The following PCDH12 variants were observed in gnomAD, a reference collection of about 807,000 sequenced individuals.
The protein encoded by PCDH12 is protocadherin 12.
A neutral mutation model predicts 70.9 loss-of-function variants in PCDH12; 45 were observed. The ratio of observed to expected loss-of-function variants is 0.63; its 90% CI spans 0.50 to 0.81. The LOEUF (loss-of-function observed/expected upper bound fraction) is 0.81. Ranked by LOEUF, PCDH12 falls within the 40% of genes least tolerant of loss-of-function variation. PCDH12 has a pLI of 0.00. For missense variants in PCDH12, 1,370 were observed against 1,491.7 expected, an observed-to-expected ratio of 0.92 and a Z score of 1.34; for synonymous variants, 567 against 626.0, an observed-to-expected ratio of 0.91 and a Z score of 1.41.
rs148884293 is a variant in PCDH12 at position 141,956,898 on chromosome 5, G to A, written c.954C>T (p.Tyr318=). The stretch of plus-strand genomic sequence containing the variant: ...GGTCCCTTGCCTGAACATCCACCTC[G>A]TAGGCAGGGTTCTTTTCATAGTCTA... ...RPLDYEKNPA[Y]EVDVQARDLG... is the part of the protein sequence containing the mutation. Residue 318 remains tyrosine, a synonymous_variant, in exon 1 of 4, where the codon TAC becomes TAT. Transcript: ENST00000231484. 40 of 1,614,166 alleles carry A rather than the reference G, an allele frequency of 2.5e-5. No individual in the cohort carries two copies. Among genetic ancestry groups the A allele is most frequent in the Admixed American group, 3.3e-5 (2 of 60,024 alleles).
rs373022057 is a variant in PCDH12, at chr5:141,955,112, G to T, written c.2740C>A (p.Arg914=). 1 of 1,614,242 alleles carries T rather than the reference G, an allele frequency of 6.2e-7. No homozygotes were observed. Among genetic ancestry groups the T allele is most frequent in the East Asian group, 2.2e-5 (1 of 44,884 alleles). Residue 914 remains arginine (R), a synonymous_variant, in exon 1 of 4, where the codon CGA becomes AGA. Coordinates refer to ENST00000231484, the MANE Select transcript of PCDH12 (RefSeq NM_016580.4). This position sits in a 1 kb window ranked among gnomAD's most constrained non-coding sequence, Gnocchi z 5.5. ...PASSATLRRQ[R]HLNGKVSPEK... The stretch of plus-strand genomic sequence containing the variant: ...GGGGACACTTTGCCATTGAGATGTC[G>T]CTGCCGTCTCAGGGTTGCAGAGGAG...
Position 141,956,919 on chromosome 5 carries a change from G to A in PCDH12, c.933C>T (p.Asp311=). The A allele has an allele frequency of 6.2e-7, 1 of 1,614,158 alleles. No individual in the cohort carries two copies. ...CCTCGTAGGCAGGGTTCTTTTCATA[G>A]TCTAGAGGTCGACGCAGAATGACCT... The part of the protein sequence containing the change: ...TGQVILRRPL[D]YEKNPAYEVD... Residue 311 remains aspartate, a synonymous_variant, in exon 1 of 4, where the codon GAC becomes GAT. Transcript: ENST00000231484.
chr5:141,953,614 C>A (rs1403665398), intron 1 of PCDH12, among the ~76,000 whole-genome samples: 1 of 152,236 alleles, frequency 6.6e-6, no homozygotes, highest in Non-Finnish European at 1.5e-5. Context: ...TCTGTCACCT[C>A]AGCGGGGTCA....
At position 141,957,998 on chromosome 5, in the gene PCDH12, T is replaced by G. The variant is rs910227695; in HGVS notation, c.-147A>C. The G allele has an allele frequency of 2.2e-6, 2 of 916,454 alleles. No individual in the cohort carries two copies. Among genetic ancestry groups the G allele is most frequent in the East Asian group, 5.2e-5 (2 of 38,276 alleles). The allele number at this position is 916,454 out of a possible 1,614,324, so 56.8% of individuals were successfully genotyped here. A position where few individuals can be genotyped will look rare whatever the true frequency, so the allele number is the denominator to read the frequency against. On this transcript the variant is annotated 5_prime_UTR_variant, in exon 1 of 4. Transcript: ENST00000231484. This position sits in a 1 kb window ranked among gnomAD's most constrained non-coding sequence, Gnocchi z 4.3. Reference sequence around the variant, plus strand: ...CAACCTTGTCCCATAGTTAGATGATTATGAAACAAGCAGGACCCCAAGGCA... The same window carrying G: ...CAACCTTGTCCCATAGTTAGATGATGATGAAACAAGCAGGACCCCAAGGCA...
chr5:141,945,604 G>C lies in PCDH12; in HGVS notation c.3332C>G (p.Ser1111Trp). 1 of 1,614,216 alleles carries C rather than the reference G, an allele frequency of 6.2e-7. No homozygotes were observed. The highest frequency in any genetic ancestry group is 8.5e-7 in the Non-Finnish European group (1 of 1,180,048). Residue 1111 changes from serine (S) to tryptophan (W), a missense_variant, in exon 4 of 4, where the codon TCG becomes TGG. Ser to Trp is a radical substitution (Grantham distance 177). Coordinates refer to ENST00000231484, the MANE Select transcript of PCDH12 (RefSeq NM_016580.4). The part of the protein sequence containing the change: ...TGTRLASTFV[S>W]EMSSLLEMLL... Reference sequence around the variant, plus strand: ...CATCTCCAGCAGTGAGCTCATCTCCGAGACAAAGGTGCTGGCCAGCCTCGT... The same window carrying C: ...CATCTCCAGCAGTGAGCTCATCTCCCAGACAAAGGTGCTGGCCAGCCTCGT...
Position 141,956,894 on chromosome 5 carries a change from C to T in PCDH12, c.958G>A (p.Val320Met), listed in dbSNP as rs1204079352. 6.2e-7 allele frequency: 1 copy of T among 1,614,220 alleles called. No homozygotes were observed. Among genetic ancestry groups the T allele is most frequent in the Non-Finnish European group, 8.5e-7 (1 of 1,180,040 alleles). ...CCCAGGTCCCTTGCCTGAACATCCA[C>T]CTCGTAGGCAGGGTTCTTTTCATAG... Reference protein sequence around the residue: ...LDYEKNPAYEVDVQARDLGPN... With the variant: ...LDYEKNPAYEMDVQARDLGPN... The change falls in exon 1 of 4, where the codon GTG becomes ATG. Residue 320 changes from valine (V) to methionine (M), a missense_variant. By Grantham distance (21) the Val-to-Met change is conservative. Coordinates refer to ENST00000231484, the MANE Select transcript of PCDH12 (RefSeq NM_016580.4).
Position 141,957,371 on chromosome 5 carries a change from C to T in PCDH12, c.481G>A (p.Asp161Asn). ...AGGGTGTTAGGGCCTGTGTCTGGGT[C>T]AAGAGCTCTGTCCAGGGGGATCCGG... Reference protein sequence around the residue: ...RTRIPLDRALDPDTGPNTLHT... With the variant: ...RTRIPLDRALNPDTGPNTLHT... The change falls in exon 1 of 4, where the codon GAC (aspartate) becomes AAC (asparagine). Residue 161 changes from aspartate to asparagine, a missense_variant. Transcript: ENST00000231484. The surrounding 1 kb of genome is among the most constrained non-coding windows in gnomAD (Gnocchi z 4.3). 6.2e-7 allele frequency: 1 copy of T among 1,613,808 alleles called. No homozygotes were observed. Among genetic ancestry groups the T allele is most frequent in the Non-Finnish European group, 8.5e-7 (1 of 1,179,864 alleles).
intron 3 of PCDH12, 155 bp downstream of exon 3, chr5:141,949,277 T>A (rs1026745372): frequency 5.1e-6 from 5 of 980,106 alleles, no homozygotes; most frequent in East Asian, 2.3e-4. Context: ...TTAAAATACT[T>A]TCTGAGGCTG....
In PCDH12 at chr5:141,956,792, C is replaced by A; in HGVS notation, c.1060G>T (p.Val354Phe). The A allele has an allele frequency of 1.9e-6, 3 of 1,614,192 alleles. No homozygotes were observed. Among genetic ancestry groups the A allele is most frequent in the Non-Finnish European group, 1.7e-6 (2 of 1,180,038 alleles). Residue 354 changes from valine to phenylalanine, a missense_variant, in exon 1 of 4, where the codon GTC becomes TTC. Val to Phe is a conservative substitution (Grantham distance 50). Transcript: ENST00000231484. Reference protein sequence around the residue: ...DVNDNIPSIHVTWASQPSLVS... With the variant: ...DVNDNIPSIHFTWASQPSLVS... ...AGTGATGGCTGGGAGGCCCATGTGA[C>A]GTGGATGCTTGGGATGTTGTCATTG...
Position 141,949,517 on chromosome 5 carries a change from C to T in PCDH12, c.3045G>A (p.Glu1015=). The T allele has an allele frequency of 6.2e-7, 1 of 1,614,210 alleles. No homozygotes were observed. Among genetic ancestry groups the T allele is most frequent in the Non-Finnish European group, 8.5e-7 (1 of 1,180,034 alleles). The change falls in exon 3 of 4, where the codon GAG becomes GAA. Residue 1015 remains glutamate, a synonymous_variant. Coordinates refer to ENST00000231484, the MANE Select transcript of PCDH12 (RefSeq NM_016580.4). ...RAGGQTDPEQ[E]EGPLDPEEDL... is the part of the protein sequence containing the mutation. The stretch of plus-strand genomic sequence containing the variant: ...CCTCTTCAGGATCCAAAGGCCCTTC[C>T]TCCTGTTCTGGGTCTGTCTGGCCTC...
rs1274384491 is a variant in PCDH12 at position 141,955,568 on chromosome 5, G to A, written c.2284C>T (p.Gln762Ter). 2 of 1,614,202 alleles carry A rather than the reference G, an allele frequency of 1.2e-6. No individual in the cohort carries two copies. Among genetic ancestry groups the A allele is most frequent in the Non-Finnish European group, 1.7e-6 (2 of 1,180,032 alleles). Residue 762 changes from glutamine to a stop codon, truncating the protein, a stop_gained, in exon 1 of 4, where the codon CAG (glutamine) becomes TAG (stop). Transcript: ENST00000231484. LOFTEE classifies it high-confidence loss of function. The surrounding 1 kb of genome is among the most constrained non-coding windows in gnomAD (Gnocchi z 5.5). Reference protein sequence around the residue: ...CREAESTYRQQPKRPQKHIQK... With the variant: ...CREAESTYRQ ...ATGTGTTTCTGGGGCCTCTTGGGCT[G>A]CTGGCGGTAGGTGGACTCGGCCTCC...
chr5:141,955,100 C>T lies in PCDH12; in HGVS notation c.2752G>A (p.Gly918Ser), dbSNP rs762262497. 1 of 1,614,216 alleles carries T rather than the reference C, an allele frequency of 6.2e-7. No individual in the cohort carries two copies. The highest frequency in any genetic ancestry group is 1.7e-5 in the Admixed American group (1 of 60,030). The stretch of plus-strand genomic sequence containing the variant: ...GATTCTTTCTCAGGGGACACTTTGC[C>T]ATTGAGATGTCGCTGCCGTCTCAGG... ...ATLRRQRHLNGKVSPEKESGP... is the reference protein window; with the variant it reads ...ATLRRQRHLNSKVSPEKESGP... Residue 918 changes from glycine (G) to serine (S), a missense_variant, in exon 1 of 4, where the codon GGC (glycine) becomes AGC (serine). Gly to Ser is a moderately conservative substitution (Grantham distance 56, BLOSUM62 0). Transcript: ENST00000231484. This position sits in a 1 kb window ranked among gnomAD's most constrained non-coding sequence, Gnocchi z 5.5.
rs1458073523 is a variant in PCDH12, at chr5:141,957,201, A to G, written c.651T>C (p.Tyr217=). ...CTGACTTGGGGGGGTTCCCATTGTC[A>G]TAGGCAGTTAACACCAGATCAAAAA... ...HSFFDLVLTA[Y]DNGNPPKSGT... The change falls in exon 1 of 4, where the codon TAT becomes TAC. Residue 217 remains tyrosine (Y), a synonymous_variant. Transcript: ENST00000231484. The surrounding 1 kb of genome is among the most constrained non-coding windows in gnomAD (Gnocchi z 4.3). The G allele has an allele frequency of 1.9e-6, 3 of 1,614,090 alleles. No individual in the cohort carries two copies. Among genetic ancestry groups the G allele is most frequent in the Admixed American group, 1.7e-5 (1 of 60,006 alleles).
At chr5:141,945,868 T>G (rs1596638675) in intron 3 of PCDH12, 63 bp from the exon 4 acceptor site, 2 of 1,489,810 alleles carry the variant, frequency 1.3e-6, no homozygotes, top group African/African-American at 1.4e-5. Context: ...CGGGTGAGGG[T>G]GGGGCAATGA....
In PCDH12 at chr5:141,945,016, C is replaced by G. The variant is rs1280605216; in HGVS notation, c.*365G>C. ...AGGTCAGAGAGCATTTCCTGGCACC[C>G]CCAGGGTACAGCCCCCTGACTCCTG... On this transcript the variant is annotated 3_prime_UTR_variant, in exon 4 of 4. Coordinates refer to ENST00000231484, the MANE Select transcript of PCDH12 (RefSeq NM_016580.4). 2 of 245,744 alleles carry G rather than the reference C, an allele frequency of 8.1e-6. No homozygotes were observed. Among genetic ancestry groups the G allele is most frequent in the East Asian group, 1.9e-4 (2 of 10,590 alleles). 15.2% of individuals were successfully genotyped at this position (245,744 alleles called of 1,614,324 possible). A position where few individuals can be genotyped will look rare whatever the true frequency, so the allele number is the denominator to read the frequency against.
rs750356729 is a variant in PCDH12, at chr5:141,957,826, A to AGCAGAAGTT, written c.17_25dup (p.Gln6_Leu8dup). On this transcript the variant is annotated inframe_insertion, in exon 1 of 4. Coordinates refer to ENST00000231484, the MANE Select transcript of PCDH12 (RefSeq NM_016580.4). This position sits in a 1 kb window ranked among gnomAD's most constrained non-coding sequence, Gnocchi z 4.3. ...GTAGCCACCTGGCCCCAAAAGCCCC[A>AGCAGAAGTT]GCAGAAGTTGCAGAAGTTGCATCAT... 2.6e-4 allele frequency: 409 copies of AGCAGAAGTT among 1,600,444 alleles called. No individual in the cohort carries two copies. Among genetic ancestry groups the AGCAGAAGTT allele is most frequent in the Non-Finnish European group, 3.2e-4 (372 of 1,179,372 alleles).
Position 141,955,995 on chromosome 5 carries a change from T to G in PCDH12, c.1857A>C (p.Thr619=), listed in dbSNP as rs1331498058. ...ATHSSRPFLL[T]TIVARDADSG... ...AGTCTGCATCTCTTGCCACAATGGT[T>G]GTCAAAAGGAATGGCCGGGAGCTGT... The change falls in exon 1 of 4, where the codon ACA becomes ACC. Residue 619 remains threonine (T), a synonymous_variant. Transcript: ENST00000231484. This position sits in a 1 kb window ranked among gnomAD's most constrained non-coding sequence, Gnocchi z 5.5. The G allele has an allele frequency of 6.2e-7, 1 of 1,614,092 alleles. No homozygotes were observed.
chr5:141,955,008 G>A lies in PCDH12; in HGVS notation c.2844C>T (p.Pro948=), dbSNP rs141083707. The change falls in exon 1 of 4, where the codon CCC becomes CCT. Residue 948 remains proline (P), a synonymous_variant. Coordinates refer to ENST00000231484, the MANE Select transcript of PCDH12 (RefSeq NM_016580.4). This position sits in a 1 kb window ranked among gnomAD's most constrained non-coding sequence, Gnocchi z 5.5. Reference sequence around the variant, plus strand: ...GAGAATCCACAGTGAGCTCCTCCACGGGGTTCCGCTCGGCGAAGGCAGCCA... The same window carrying A: ...GAGAATCCACAGTGAGCTCCTCCACAGGGTTCCGCTCGGCGAAGGCAGCCA... ...LSVAAFAERN[P]VEELTVDSPP... The A allele has an allele frequency of 1.0e-4, 163 of 1,614,054 alleles. No individual in the cohort carries two copies. In the African/African-American group the frequency reaches 1.6e-3, roughly 16 times the overall value.
rs1249076176 is a variant in PCDH12, at chr5:141,956,449, G to A, written c.1403C>T (p.Ser468Phe). The A allele has an allele frequency of 6.2e-7, 1 of 1,614,204 alleles. No individual in the cohort carries two copies. Among genetic ancestry groups the A allele is most frequent in the Non-Finnish European group, 8.5e-7 (1 of 1,180,040 alleles). The change falls in exon 1 of 4, where the codon TCC becomes TTC. Residue 468 changes from serine to phenylalanine, a missense_variant. By Grantham distance (155) the Ser-to-Phe change is radical. Transcript: ENST00000231484. Reference protein sequence around the residue: ...PVFEKSRYEVSTRENNLPSLH... With the variant: ...PVFEKSRYEVFTRENNLPSLH... ...AGAGGGTAAGTTGTTTTCCCGCGTG[G>A]AGACTTCATACCTGCTTTTCTCAAA...
Sources: allele counts gnomAD v4.1 joint callset (sites outside exome capture counted in the v4.1 genomes callset), GRCh38; gene constraint gnomAD v4.1.1; non-coding constraint Gnocchi (gnomAD v3.1); transcripts MANE v1.5; gene names NCBI Gene and HGNC (gene_info 2026-07-23, HGNC 2026-07-21).